Variants in NEURL1 observed in about 807,000 individuals in gnomAD.
NEURL1 encodes the protein E3 ubiquitin-protein ligase NEURL1.
In NEURL1, 26 loss-of-function variants were observed where a neutral mutation model predicts 41.2. That is an observed-to-expected ratio of 0.63 (90% CI 0.46 to 0.87). The LOEUF is 0.87. Among genes scored for constraint, NEURL1 ranks in the 40% least tolerant of loss-of-function variants. The probability of loss-of-function intolerance (pLI) is 0.00; values close to 1 mark genes in which losing one functional copy is unlikely to be tolerated. For synonymous variants in NEURL1, 400 were observed against 402.3 expected (o/e 0.99, Z 0.07); for missense variants, 761 against 871.1 (o/e 0.87, Z 1.59).
intron 1 of NEURL1, among the ~76,000 whole-genome samples, chr10:103,552,401 C>T (rs554174329): frequency 6.6e-6 from 1 of 152,310 alleles, no homozygotes; most frequent in African/African-American, 2.4e-5. Context: ...ACCAACCTTG[C>T]TTCTGGAACA....
At chr10:103,560,435 T>C (rs2035268238) in intron 1 of NEURL1, among the ~76,000 whole-genome samples, 1 of 152,138 alleles carries the variant, frequency 6.6e-6, no homozygotes, top group Admixed American at 6.5e-5. Flanking sequence ...CTGCTAGAAA[T>C]GTCAGGATGG....
intron 1 of NEURL1, among the ~76,000 whole-genome samples, chr10:103,563,697 T>G (rs1327677959): frequency 6.6e-6 from 1 of 152,184 alleles, no homozygotes. Flanking sequence ...AACTACCTAC[T>G]GAGTTTTACA....
At chr10:103,538,512 A>C (rs1221181402) in intron 1 of NEURL1, among the ~76,000 whole-genome samples, 1 of 148,238 alleles carries the variant, frequency 6.7e-6, no homozygotes, top group African/African-American at 2.5e-5. Flanking sequence ...CAGAGGTTGC[A>C]GTGAGTAGAG....
chr10:103,499,075 A>G (rs2033759629), intron 1 of NEURL1, among the ~76,000 whole-genome samples: 1 of 152,158 alleles, frequency 6.6e-6, no homozygotes, highest in South Asian at 2.1e-4. Context: ...CCCATCTTTC[A>G]AAAGGTGGTG....
chr10:103,502,025 C>G (rs1182735755), intron 1 of NEURL1, among the ~76,000 whole-genome samples: 1 of 152,216 alleles, frequency 6.6e-6, no homozygotes, highest in Non-Finnish European at 1.5e-5. Flanking sequence ...CTTCAGCCTC[C>G]TGAGTAACTG....
chr10:103,507,052 GT>G (rs930034924), intron 1 of NEURL1, among the ~76,000 whole-genome samples: 5 of 152,208 alleles, frequency 3.3e-5, no homozygotes, highest in African/African-American at 1.2e-4. Context: ...CATGGAGATT[GT>G]TTTGCCCTAC....
At chr10:103,578,033 T>C (rs1028154422) in intron 3 of NEURL1, 1 of 152,022 alleles carries the variant, frequency 6.6e-6, no homozygotes, top group African/African-American at 2.4e-5. Context: ...GTGGGGTGTA[T>C]GTGGAGGGAG....
At chr10:103,532,920 CTTTTTTTTTTTTTT>C (rs144783148) in intron 1 of NEURL1, among the ~76,000 whole-genome samples, 1 of 63,570 alleles carries the variant, frequency 1.6e-5, no homozygotes, top group East Asian at 5.7e-4. Flanking sequence ...TTCTCTTCTC[CTTTTTTTTTTTTTT>C]TTTTTTTTTT....
intron 1 of NEURL1, among the ~76,000 whole-genome samples, chr10:103,539,251 G>A (rs1207776084): frequency 1.3e-5 from 2 of 152,158 alleles, no homozygotes; most frequent in African/African-American, 2.4e-5. Context: ...CAGCCAATGA[G>A]CATTTTTTCA....
At chr10:103,519,927 G>A (rs2034307307) in intron 1 of NEURL1, among the ~76,000 whole-genome samples, 1 of 151,838 alleles carries the variant, frequency 6.6e-6, no homozygotes, top group Admixed American at 6.6e-5. Context: ...GAGACTACAG[G>A]CATGTACCAG....
chr10:103,560,281 A>G (rs571323379), intron 1 of NEURL1, among the ~76,000 whole-genome samples: 1 of 152,314 alleles, frequency 6.6e-6, no homozygotes, highest in African/African-American at 2.4e-5. Flanking sequence ...GGACTGGGGC[A>G]GGGATTGGGA....
chr10:103,542,367 C>T (rs2034838023), intron 1 of NEURL1, among the ~76,000 whole-genome samples: 1 of 152,218 alleles, frequency 6.6e-6, no homozygotes, highest in Non-Finnish European at 1.5e-5. Context: ...TAAAGCGACC[C>T]TCTCATCTCA....
chr10:103,558,317 G>A lies in NEURL1; in HGVS notation c.86-12555G>A, dbSNP rs755770176. 11 of 939,164 alleles carry A rather than the reference G, an allele frequency of 1.2e-5. No individual in the cohort carries two copies. Among genetic ancestry groups the A allele is most frequent in the Non-Finnish European group, 1.4e-5 (11 of 787,866 alleles). 58.2% of individuals were successfully genotyped at this position (939,164 alleles called of 1,614,324 possible). A position where few individuals can be genotyped will look rare whatever the true frequency, so the allele number is the denominator to read the frequency against. On this transcript the variant is annotated intron_variant, in intron 1 of 5. Transcript: ENST00000369780. The surrounding 1 kb of genome is among the most constrained non-coding windows in gnomAD (Gnocchi z 4.2). ...TGTGTCGGGGGTCATCTAATTGTGT[G>A]TTTTGTTTGTGGACGTGTTTTGGCT... is the stretch of plus-strand genomic sequence containing the variant.
intron 1 of NEURL1, among the ~76,000 whole-genome samples, chr10:103,515,053 CTCTG>C (rs1445546625): frequency 2.0e-5 from 3 of 152,022 alleles, no homozygotes; most frequent in Non-Finnish European, 2.9e-5. Flanking sequence ...CATGGTGAAA[CTCTG>C]TCTGTACTAA....
chr10:103,577,650 A>G (rs2035693983), intron 3 of NEURL1: 1 of 152,226 alleles, frequency 6.6e-6, no homozygotes, highest in African/African-American at 2.4e-5. Context: ...TGTGCCTTCC[A>G]GAGTCGAGCT....
intron 1 of NEURL1, among the ~76,000 whole-genome samples, chr10:103,500,156 T>G (rs74395445): frequency 0.037 from 5,704 of 152,316 alleles, 91 homozygotes; most frequent in Non-Finnish European, 0.045. Flanking sequence ...GCACCCATCC[T>G]GCATGCCCTG....
intron 4 of NEURL1, chr10:103,588,582 A>C (rs892127939): frequency 3.0e-6 from 1 of 331,838 alleles, no homozygotes; most frequent in Non-Finnish European, 6.0e-6. Flanking sequence ...GATGCCTGGT[A>C]GGTCCTTGGT....
intron 1 of NEURL1, among the ~76,000 whole-genome samples, chr10:103,567,032 G>T (rs534693795): frequency 7.5e-4 from 113 of 151,356 alleles, no homozygotes; most frequent in African/African-American, 2.6e-3. Flanking sequence ...GCCCAGGCTG[G>T]AGTGCAGTGG....
At chr10:103,564,999 G>T (rs890006294) in intron 1 of NEURL1, among the ~76,000 whole-genome samples, 17 of 152,328 alleles carry the variant, frequency 1.1e-4, no homozygotes, top group African/African-American at 4.1e-4. Context: ...CTAGAGGAGT[G>T]CTGGGCACAG....
Sources: allele counts gnomAD v4.1 joint callset (sites outside exome capture counted in the v4.1 genomes callset), GRCh38; gene constraint gnomAD v4.1.1; non-coding constraint Gnocchi (gnomAD v3.1); transcripts MANE v1.5; gene names NCBI Gene and HGNC (gene_info 2026-07-23, HGNC 2026-07-21).